MYO18B: variants seen among roughly 807,000 people sequenced by gnomAD.
The protein encoded by MYO18B is myosin XVIIIB, also known as unconventional myosin-XVIIIb.
MYO18B carries 204 observed loss-of-function variants against 273.0 expected under a neutral mutation model. The ratio of observed to expected loss-of-function variants is 0.75; its 90% CI spans 0.67 to 0.84. The LOEUF (loss-of-function observed/expected upper bound fraction) is 0.84, where lower values mean the gene tolerates loss of function less well. Among genes scored for constraint, MYO18B ranks in the 40% least tolerant of loss-of-function variants. The pLI, the probability that MYO18B is intolerant of heterozygous loss-of-function variation, is 0.00. For synonymous variants in MYO18B, 1,330 were observed against 1,305.7 expected (o/e 1.02, Z -0.40); for missense variants, 3,212 against 3,287.6 (o/e 0.98, Z 0.56).
At chr22:25,816,545 A>G (rs1234081751) in intron 12 of MYO18B, among the ~76,000 whole-genome samples, 1 of 123,962 alleles carries the variant, frequency 8.1e-6, no homozygotes, top group African/African-American at 3.2e-5. Context: ...GCCCTGTGTC[A>G]ATGTGTTCTC....
intron 12 of MYO18B, among the ~76,000 whole-genome samples, chr22:25,822,869 A>G (rs918058547): frequency 3.9e-5 from 6 of 152,246 alleles, no homozygotes; most frequent in Admixed American, 3.3e-4. Flanking sequence ...AAGTTTTGCA[A>G]TGCTTTCCCA....
intron 42 of MYO18B, among the ~76,000 whole-genome samples, chr22:26,017,025 T>TTTCC (rs59617056): frequency 0.072 from 8,929 of 123,858 alleles, 438 homozygotes; most frequent in Middle Eastern, 0.1. Flanking sequence ...ATTAGGCTAA[T>TTTCC]TTCCTTCCTT....
chr22:25,837,750 C>T (rs530439632), intron 17 of MYO18B, among the ~76,000 whole-genome samples: 1 of 152,322 alleles, frequency 6.6e-6, no homozygotes, highest in East Asian at 1.9e-4. Context: ...GCTCACAGTG[C>T]AAATTCCTAA....
At chr22:25,974,657 T>C (rs777746814) in intron 39 of MYO18B, among the ~76,000 whole-genome samples, 41 of 152,176 alleles carry the variant, frequency 2.7e-4, no homozygotes, top group Non-Finnish European at 4.1e-4. Flanking sequence ...TAAAACTTGA[T>C]TTACGAAAAC....
intron 39 of MYO18B, among the ~76,000 whole-genome samples, chr22:25,978,144 TG>T (rs1414056003): frequency 6.6e-6 from 1 of 152,184 alleles, no homozygotes; most frequent in African/African-American, 2.4e-5. Flanking sequence ...AATTAGACAT[TG>T]GCAAATAATT....
chr22:25,833,438 G>A (rs980150872), intron 16 of MYO18B, among the ~76,000 whole-genome samples: 1 of 151,996 alleles, frequency 6.6e-6, no homozygotes, highest in East Asian at 1.9e-4. Context: ...TCAGGGCCCT[G>A]AACTCATCTG....
chr22:25,902,903 C>G, intron 30 of MYO18B, 167 bp downstream of exon 30: 1 of 745,156 alleles, frequency 1.3e-6, no homozygotes, highest in Non-Finnish European at 2.1e-6. Context: ...CAAATGGTGG[C>G]TGGTAAATTG....
intron 34 of MYO18B, among the ~76,000 whole-genome samples, chr22:25,933,024 A>G (rs2092529490): frequency 6.6e-6 from 1 of 152,146 alleles, no homozygotes; most frequent in Non-Finnish European, 1.5e-5. Flanking sequence ...TTAGGATCCA[A>G]CTTGGAAAGT....
chr22:25,788,148 G>A lies in MYO18B; in HGVS notation c.2376+2657G>A, dbSNP rs1294180607. Reference sequence around the variant, plus strand: ...CAATTGATTTGCAGGAACTGGTAGGGTGTTTCTTTGTTCTCTCTCTGCTAC... The same window carrying A: ...CAATTGATTTGCAGGAACTGGTAGGATGTTTCTTTGTTCTCTCTCTGCTAC... On this transcript the variant is annotated intron_variant, in intron 11 of 43. Transcript: ENST00000335473. Among the ~76,000 whole-genome samples the A allele has an allele frequency of 3.9e-5, 6 of 152,340 alleles. No homozygotes were observed. The South Asian group carries it at 1.2e-3, about 32-fold the overall frequency.
At chr22:26,061,399 C>T in the MYO18B span, among the ~76,000 whole-genome samples, 1 of 152,124 alleles carries the variant, frequency 6.6e-6, no homozygotes, top group African/African-American at 2.4e-5. Context: ...TGTTTTCCAC[C>T]TTGATGGGGC....
chr22:26,027,290 T>C lies in MYO18B; in HGVS notation c.7316T>C (p.Val2439Ala). 6.2e-7 allele frequency: 1 copy of C among 1,613,982 alleles called. No homozygotes were observed. The highest frequency in any genetic ancestry group is 8.5e-7 in the Non-Finnish European group (1 of 1,179,868). The change falls in exon 43 of 44, where the codon GTG (valine) becomes GCG (alanine). Residue 2439 changes from valine (V) to alanine (A), a missense_variant. Val to Ala is a moderately conservative substitution (Grantham distance 64, BLOSUM62 0). Transcript: ENST00000335473. The surrounding 1 kb of genome is among the most constrained non-coding windows in gnomAD (Gnocchi z 4.1). The stretch of plus-strand genomic sequence containing the variant: ...CTCGACTACGAACGCAAGACCAAAG[T>C]GGACTTCGATGACTTCCTCCCAGCT... ...PSLDYERKTK[V>A]DFDDFLPAIR...
intron 9 of MYO18B, among the ~76,000 whole-genome samples, chr22:25,781,502 C>T (rs914137189): frequency 4.6e-5 from 7 of 150,850 alleles, no homozygotes; most frequent in East Asian, 2.0e-4. Flanking sequence ...CCCAGCTACT[C>T]GGGAGGCTGA....
chr22:25,822,589 A>T (rs200562077), intron 12 of MYO18B, among the ~76,000 whole-genome samples: 1 of 147,258 alleles, frequency 6.8e-6, no homozygotes, highest in South Asian at 2.3e-4. Flanking sequence ...CACAGTAAGC[A>T]GATGGCTAGT....
the MYO18B span, among the ~76,000 whole-genome samples, chr22:26,052,296 T>C: frequency 6.6e-6 from 1 of 152,200 alleles, no homozygotes; most frequent in East Asian, 1.9e-4. Flanking sequence ...TGAGATGGTA[T>C]TGATAATTTC....
chr22:25,942,567 A>G (rs982067088), intron 34 of MYO18B, among the ~76,000 whole-genome samples: 6 of 152,166 alleles, frequency 3.9e-5, no homozygotes, highest in Non-Finnish European at 8.8e-5. Flanking sequence ...CTGGCGTTGG[A>G]GCAAGCAGGC....
chr22:25,777,298 A>G (rs1030832827), intron 7 of MYO18B, among the ~76,000 whole-genome samples: 1 of 152,216 alleles, frequency 6.6e-6, no homozygotes, highest in African/African-American at 2.4e-5. Context: ...CAGTGAGATG[A>G]ATCTCATGGA....
the MYO18B span, among the ~76,000 whole-genome samples, chr22:26,041,359 A>G: frequency 7.6e-4 from 112 of 147,430 alleles, no homozygotes; most frequent in Non-Finnish European, 1.4e-3. Context: ...TACCAAAAAA[A>G]AAAAAAAAAA....
intron 39 of MYO18B, among the ~76,000 whole-genome samples, chr22:25,984,976 A>G (rs956878372): frequency 6.6e-6 from 1 of 152,184 alleles, no homozygotes; most frequent in Non-Finnish European, 1.5e-5. Context: ...GTGTGAAGAA[A>G]AGGACAGGAG....
chr22:25,779,908 G>GCAGGAAGCTCA, intron 8 of MYO18B, 148 bp from the exon 9 acceptor site: 1 of 940,514 alleles, frequency 1.1e-6, no homozygotes, highest in South Asian at 1.7e-5. Flanking sequence ...GGAGTGGGTG[G>GCAGGAAGCTCA]CAGGAAGCTC....
Sources: gnomAD v4.1 joint callset for allele counts (sites outside exome capture counted in the v4.1 genomes callset) on GRCh38, gnomAD v4.1.1 for gene constraint, Gnocchi (gnomAD v3.1) non-coding constraint, MANE v1.5 for transcripts, NCBI Gene and HGNC (gene_info 2026-07-23, HGNC 2026-07-21) for gene names.